The following NUP160 variants were observed in gnomAD, a reference collection of about 807,000 sequenced individuals.
NUP160 encodes nuclear pore complex protein Nup160.
Under a neutral mutation model 196.9 loss-of-function variants are expected in NUP160, and 94 were observed. The ratio of observed to expected loss-of-function variants is 0.48; its 90% CI spans 0.40 to 0.57. The LOEUF is 0.57. Ranked by LOEUF, NUP160 falls within the 20% of genes least tolerant of loss-of-function variation. The pLI is 0.00. For synonymous variants in NUP160, 605 were observed against 619.7 expected (o/e 0.98, Z 0.35); for missense variants, 1,638 against 1,748.3 (o/e 0.94, Z 1.13).
exon 1 of NUP160, chr11:47,848,221 A>G: frequency 1.2e-6 from 2 of 1,614,164 alleles, no homozygotes; most frequent in Non-Finnish European, 1.7e-6. Flanking sequence ...TTCCGTACCA[A>G]TGCTGCAGAC....
exon 33 of NUP160, chr11:47,784,934 T>C (rs1193249014): frequency 6.3e-7 from 1 of 1,596,198 alleles, no homozygotes; most frequent in South Asian, 1.1e-5. Flanking sequence ...TGTAACTGTT[T>C]ATAAGCCAAT....
At chr11:47,815,804 AT>A (rs2097684104) in intron 12 of NUP160, 141 bp downstream of exon 12, 6 of 896,354 alleles carry the variant, frequency 6.7e-6, no homozygotes, top group Non-Finnish European at 1.7e-6. Flanking sequence ...TGTGTATCTG[AT>A]TCTCTAGTTA....
intron 4 of NUP160, 69 bp from the exon 5 acceptor site, chr11:47,837,692 T>A: frequency 1.7e-6 from 2 of 1,186,444 alleles, no homozygotes; most frequent in Non-Finnish European, 2.5e-6. Flanking sequence ...GATGTAACCA[T>A]GAACAAGGTC....
chr11:47,843,916 C>A (rs1048287889), intron 2 of NUP160, among the ~76,000 whole-genome samples: 1 of 152,202 alleles, frequency 6.6e-6, no homozygotes, highest in Non-Finnish European at 1.5e-5. Flanking sequence ...ATCTATCAGG[C>A]ATCTCAGATT....
intron 29 of NUP160, among the ~76,000 whole-genome samples, chr11:47,790,322 C>T (rs182468364): frequency 1.5e-3 from 229 of 152,092 alleles, no homozygotes; most frequent in African/African-American, 5.2e-3. Context: ...TGCAGTGGCG[C>T]GATCTCAGCC....
At chr11:47,818,117 T>C in exon 11 of NUP160, 1 of 1,607,078 alleles carries the variant, frequency 6.2e-7, no homozygotes, top group Middle Eastern at 1.7e-4. Context: ...ACTTTGCAGA[T>C]ACATCTCCTA....
intron 22 of NUP160, among the ~76,000 whole-genome samples, chr11:47,803,149 A>AATAATAATC (rs2097675284): frequency 7.2e-6 from 1 of 139,368 alleles, no homozygotes; most frequent in Non-Finnish European, 1.6e-5. Flanking sequence ...ACAAAATAAT[A>AATAATAATC]ATAATAATAA....
In NUP160 at chr11:47,792,745, C is replaced by T. The variant is rs377575863; in HGVS notation, c.3450+41G>A. 6 of 1,550,086 alleles carry T rather than the reference C, an allele frequency of 3.9e-6. No homozygotes were observed. In the African/African-American group the frequency reaches 4.2e-5, roughly 11 times the overall value. On this transcript the variant is annotated intron_variant, in intron 28 of 35. Transcript: ENST00000378460. Reference sequence around the variant, plus strand: ...CCAAAACAAGTAGATTTACTTGTTCCAGGATGAACCCCCAAATTCCAGGAT... The same window carrying T: ...CCAAAACAAGTAGATTTACTTGTTCTAGGATGAACCCCCAAATTCCAGGAT...
intron 23 of NUP160, among the ~76,000 whole-genome samples, chr11:47,799,033 G>C (rs1024666813): frequency 2.0e-5 from 3 of 149,878 alleles, no homozygotes; most frequent in African/African-American, 7.3e-5. Context: ...GTAAAGAATA[G>C]TAAATAAACA....
intron 13 of NUP160, among the ~76,000 whole-genome samples, chr11:47,813,899 G>A (rs1291031036): frequency 2.6e-5 from 4 of 151,480 alleles, no homozygotes; most frequent in Admixed American, 6.6e-5. Context: ...GTGAAACCCC[G>A]TCTCTACTAA....
At chr11:47,847,434 T>C (rs1417354773) in intron 2 of NUP160, among the ~76,000 whole-genome samples, 2 of 152,192 alleles carry the variant, frequency 1.3e-5, no homozygotes, top group Non-Finnish European at 2.9e-5. Context: ...TACAACGTCT[T>C]GCATGATGAA....
chr11:47,794,461 C>T (rs554298588), intron 27 of NUP160, among the ~76,000 whole-genome samples: 1 of 151,944 alleles, frequency 6.6e-6, no homozygotes, highest in Admixed American at 6.6e-5. Flanking sequence ...GGCGACAGAG[C>T]GAGACTCCGT....
chr11:47,790,652 T>A (rs191716303), intron 29 of NUP160, among the ~76,000 whole-genome samples: 1 of 151,944 alleles, frequency 6.6e-6, no homozygotes, highest in East Asian at 1.9e-4. Context: ...ACTGTGGGAG[T>A]CCGAGGTAGG....
Position 47,812,904 on chromosome 11 carries a change from CCAGAATCT to C in NUP160, c.1922_1929del (p.Gln641ArgfsTer7). On this transcript the variant is annotated frameshift_variant, in exon 15 of 36. Coordinates refer to ENST00000378460, the Ensembl canonical transcript of NUP160. LOFTEE classifies it high-confidence loss of function. ...TACACATCAATAGTGATCATATCTT[CCAGAATCT>C]GCTCTGCAGCCTTTTCCGGAGACTG... The C allele has an allele frequency of 6.2e-7, 1 of 1,613,210 alleles. No individual in the cohort carries two copies. The highest frequency in any genetic ancestry group is 8.5e-7 in the Non-Finnish European group (1 of 1,179,738).
rs563020208 is a variant in NUP160, at chr11:47,794,109, T to C, written c.3290-1163A>G. Among the ~76,000 whole-genome samples the C allele has an allele frequency of 2.0e-5, 3 of 152,272 alleles. No individual in the cohort carries two copies. In the East Asian group the frequency reaches 5.8e-4, roughly 29 times the overall value. ...GGAACAAGTAGTTGTTTAATGGGTA[T>C]ATAGCTTCAGTTTTGCAAGATGAAA... On this transcript the variant is annotated intron_variant, in intron 27 of 35. Transcript: ENST00000378460.
intron 11 of NUP160, 116 bp downstream of exon 11, chr11:47,817,940 A>G: frequency 1.8e-6 from 1 of 567,946 alleles, no homozygotes; most frequent in Admixed American, 3.0e-5. Flanking sequence ...AAACACACAT[A>G]TGTATGAATA....
exon 25 of NUP160, chr11:47,798,198 T>G: frequency 6.2e-7 from 1 of 1,612,736 alleles, no homozygotes; most frequent in African/African-American, 1.3e-5. Context: ...GGTTAAGGCT[T>G]CATATGCTTG....
chr11:47,814,283 T>C (rs1213611412), intron 13 of NUP160, among the ~76,000 whole-genome samples: 2 of 151,878 alleles, frequency 1.3e-5, no homozygotes, highest in African/African-American at 4.8e-5. Flanking sequence ...ATATATTAGA[T>C]TGGATCCTGG....
exon 36 of NUP160, chr11:47,778,955 C>G: frequency 1.7e-6 from 1 of 605,952 alleles, no homozygotes; most frequent in Non-Finnish European, 3.0e-6. Flanking sequence ...TCTGACTCTT[C>G]CGCCCTCCTA....
Sources: allele counts gnomAD v4.1 joint callset (sites outside exome capture counted in the v4.1 genomes callset), GRCh38; gene constraint gnomAD v4.1.1; transcripts MANE v1.5; gene names NCBI Gene and HGNC (gene_info 2026-07-23, HGNC 2026-07-21).